Variants in COL25A1 observed in about 807,000 individuals in gnomAD.
The protein encoded by COL25A1 is collagen type XXV alpha 1 chain, also known as collagen alpha-1(XXV) chain.
In COL25A1, 103 loss-of-function variants were observed where a neutral mutation model predicts 128.4. That is an observed-to-expected ratio of 0.80 (90% CI 0.68 to 0.94). The LOEUF (loss-of-function observed/expected upper bound fraction) is 0.94, where lower values mean the gene tolerates loss of function less well. COL25A1 is among the 40% of genes least tolerant of loss of function. COL25A1 has a pLI of 0.00. For synonymous variants in COL25A1, 279 were observed against 277.2 expected (o/e 1.01, Z -0.06); for missense variants, 745 against 840.0 (o/e 0.89, Z 1.40).
chr4:108,914,238 A>G (rs1744600581), intron 13 of COL25A1, among the ~76,000 whole-genome samples: 1 of 152,188 alleles, frequency 6.6e-6, no homozygotes, highest in Admixed American at 6.5e-5. Flanking sequence ...TTGTGTACTC[A>G]TAGTATCTCT....
At chr4:109,016,053 G>A (rs1462858774) in intron 5 of COL25A1, among the ~76,000 whole-genome samples, 1 of 152,182 alleles carries the variant, frequency 6.6e-6, no homozygotes, top group Non-Finnish European at 1.5e-5. Context: ...GGGGGCAGCT[G>A]CAGCTGCCCA....
At chr4:109,197,523 ATAT>A (rs1044780251) in intron 3 of COL25A1, among the ~76,000 whole-genome samples, 12 of 134,698 alleles carry the variant, frequency 8.9e-5, no homozygotes, top group Middle Eastern at 3.3e-3. Flanking sequence ...TTTATATATA[ATAT>A]TATACATATA....
intron 3 of COL25A1, among the ~76,000 whole-genome samples, chr4:109,071,208 A>G (rs1156363522): frequency 1.3e-5 from 2 of 152,208 alleles, no homozygotes; most frequent in Non-Finnish European, 2.9e-5. Context: ...AGGATTCCCT[A>G]TTTAATAAAT....
At position 109,157,664 on chromosome 4, in the gene COL25A1, A is replaced by G. The variant is rs151140972; in HGVS notation, c.368-107485T>C. On this transcript the variant is annotated intron_variant, in intron 3 of 37. Transcript: ENST00000399132. The stretch of plus-strand genomic sequence containing the variant: ...GCTAAAGCAAAATTTAAAGGTTGGC[A>G]CAGTTTTATTTCATATTTATTTATA... Among the ~76,000 whole-genome samples the G allele has an allele frequency of 2.8e-3, 423 of 152,362 alleles. 2 individuals are homozygous for G. The highest frequency in any genetic ancestry group is 9.5e-3 in the African/African-American group (396 of 41,582).
intron 3 of COL25A1, among the ~76,000 whole-genome samples, chr4:109,077,925 T>G (rs1763520509): frequency 6.6e-6 from 1 of 152,236 alleles, no homozygotes; most frequent in African/African-American, 2.4e-5. Context: ...AATATAGGTA[T>G]TCAATTCTTT....
chr4:109,141,802 T>C (rs1385193018), intron 3 of COL25A1, among the ~76,000 whole-genome samples: 2 of 152,222 alleles, frequency 1.3e-5, no homozygotes. Flanking sequence ...TTTTATTGTT[T>C]CTATTTGATT....
intron 21 of COL25A1, among the ~76,000 whole-genome samples, chr4:108,862,835 A>G (rs1008851292): frequency 6.6e-6 from 1 of 152,182 alleles, no homozygotes; most frequent in African/African-American, 2.4e-5. Flanking sequence ...GGCTGCATCA[A>G]TTTCCTTTTC....
At chr4:109,103,716 A>C (rs1766133293) in intron 3 of COL25A1, among the ~76,000 whole-genome samples, 1 of 152,232 alleles carries the variant, frequency 6.6e-6, no homozygotes, top group Non-Finnish European at 1.5e-5. Flanking sequence ...AACCTGAAGC[A>C]TCTTGTCATG....
chr4:109,047,979 G>T (rs113557076), intron 5 of COL25A1, among the ~76,000 whole-genome samples, 189 bp downstream of exon 5: 1 of 151,824 alleles, frequency 6.6e-6, no homozygotes, highest in East Asian at 1.9e-4. Flanking sequence ...TGATCCACCC[G>T]CCTCGGCCTC....
chr4:109,237,820 C>T (rs557703846), intron 3 of COL25A1, among the ~76,000 whole-genome samples: 11 of 152,132 alleles, frequency 7.2e-5, no homozygotes, highest in Non-Finnish European at 1.5e-4. Context: ...TAAACAATAA[C>T]TGCCTGTTCT....
At chr4:109,107,657 C>A (rs183820936) in intron 3 of COL25A1, among the ~76,000 whole-genome samples, 1 of 152,048 alleles carries the variant, frequency 6.6e-6, no homozygotes, top group African/African-American at 2.4e-5. Context: ...ATAAAATAGA[C>A]GGAGAAATTA....
intron 3 of COL25A1, among the ~76,000 whole-genome samples, chr4:109,254,505 A>ATATGTGTGTG (rs1383703429): frequency 9.5e-6 from 1 of 104,994 alleles, no homozygotes; most frequent in African/African-American, 3.4e-5. Context: ...ATATATATAT[A>ATATGTGTGTG]TGTATGTGTG....
intron 3 of COL25A1, among the ~76,000 whole-genome samples, chr4:109,199,874 G>T (rs1008878445): frequency 2.0e-5 from 3 of 152,150 alleles, no homozygotes; most frequent in Non-Finnish European, 4.4e-5. Context: ...CCTAGCCTGG[G>T]TACTAGAGTA....
chr4:108,859,790 A>G lies in COL25A1; in HGVS notation c.1243-57T>C, dbSNP rs1736959346. On this transcript the variant is annotated intron_variant, in intron 23 of 37. Transcript: ENST00000399132. Reference sequence around the variant, plus strand: ...GGTATTAGCTTAGCATGTAGGGTGGACTGTGGCAGAAACAGAAATACAACT... The same window carrying G: ...GGTATTAGCTTAGCATGTAGGGTGGGCTGTGGCAGAAACAGAAATACAACT... 2.3e-6 allele frequency: 3 copies of G among 1,300,068 alleles called. No homozygotes were observed. In the East Asian group the frequency reaches 6.9e-5, roughly 30 times the overall value. 80.5% of individuals were successfully genotyped at this position (1,300,068 alleles called of 1,614,324 possible).
At chr4:108,910,131 C>A (rs1279135959) in intron 13 of COL25A1, among the ~76,000 whole-genome samples, 1 of 152,098 alleles carries the variant, frequency 6.6e-6, no homozygotes, top group Non-Finnish European at 1.5e-5. Flanking sequence ...GAAAATATAT[C>A]CATTTTTAAA....
intron 8 of COL25A1, among the ~76,000 whole-genome samples, chr4:108,944,174 C>T (rs76231038): frequency 0.031 from 4,776 of 152,236 alleles, 112 homozygotes; most frequent in Middle Eastern, 0.058. Flanking sequence ...TTGCCAAATC[C>T]GTTCTGATAA....
At chr4:108,827,922 C>T (rs907133108) in intron 32 of COL25A1, among the ~76,000 whole-genome samples, 138 of 152,230 alleles carry the variant, frequency 9.1e-4, no homozygotes, top group Non-Finnish European at 9.6e-4. Flanking sequence ...AGCCCTTAGA[C>T]ACCAGAAGAC....
intron 5 of COL25A1, among the ~76,000 whole-genome samples, chr4:109,044,072 CAG>C (rs779565627): frequency 1.3e-5 from 2 of 150,714 alleles, no homozygotes; most frequent in African/African-American, 2.5e-5. Context: ...CCATTTTTAG[CAG>C]AGACTCCTCT....
At chr4:109,249,071 C>T (rs996809836) in intron 3 of COL25A1, among the ~76,000 whole-genome samples, 17 of 152,174 alleles carry the variant, frequency 1.1e-4, no homozygotes, top group Non-Finnish European at 2.4e-4. Context: ...ATGGTAGACA[C>T]TGTCCAGGAA....
Sources: gnomAD v4.1 joint callset for allele counts (sites outside exome capture counted in the v4.1 genomes callset) on GRCh38, gnomAD v4.1.1 for gene constraint, MANE v1.5 for transcripts, NCBI Gene and HGNC (gene_info 2026-07-23, HGNC 2026-07-21) for gene names.